PTPRC: variants seen among roughly 807,000 people sequenced by gnomAD.
PTPRC encodes protein tyrosine phosphatase receptor type C, also known as receptor-type tyrosine-protein phosphatase C.
A neutral mutation model predicts 155.9 loss-of-function variants in PTPRC; 44 were observed. That is an observed-to-expected ratio of 0.28 (90% CI 0.22 to 0.36). PTPRC has a LOEUF of 0.36. Ranked by LOEUF, PTPRC falls within the 10% of genes least tolerant of loss-of-function variation. PTPRC has a pLI of 1.00. For synonymous variants in PTPRC, 525 were observed against 533.1 expected (o/e 0.98, Z 0.21); for missense variants, 1,401 against 1,564.6 (o/e 0.90, Z 1.76).
At chr1:198,753,060 G>T (rs1195659038) in intron 31 of PTPRC, among the ~76,000 whole-genome samples, 2 of 152,076 alleles carry the variant, frequency 1.3e-5, no homozygotes, top group East Asian at 3.9e-4. Context: ...TCATTTGTGT[G>T]AATGAATTAA....
In PTPRC at chr1:198,735,230, T is replaced by C. The variant is rs1654577483; in HGVS notation, c.2381T>C (p.Ile794Thr). 6 of 1,601,850 alleles carry C rather than the reference T, an allele frequency of 3.7e-6. No homozygotes were observed. The highest frequency in any genetic ancestry group is 5.1e-6 in the Non-Finnish European group (6 of 1,172,944). Reference sequence around the variant, plus strand: ...CACAAAAGATGTCCAGATTACATCATTCAGAAATTGAACATTGTAAATGTG... The same window carrying C: ...CACAAAAGATGTCCAGATTACATCACTCAGAAATTGAACATTGTAAATGTG... ...NQHKRCPDYI[I>T]QKLNIVNKKE... The change falls in exon 23 of 33, where the codon ATT becomes ACT. Residue 794 changes from isoleucine to threonine, a missense_variant. By Grantham distance (89) the Ile-to-Thr change is moderately conservative (BLOSUM62 -1). Transcript: ENST00000442510.
intron 14 of PTPRC, among the ~76,000 whole-genome samples, chr1:198,719,998 C>T (rs911283935): frequency 5.9e-5 from 9 of 151,914 alleles, no homozygotes; most frequent in African/African-American, 1.9e-4. Context: ...TGGATTTTAT[C>T]GATTTTTAGG....
In PTPRC at chr1:198,702,424, T is replaced by C. The variant is rs2102401085; in HGVS notation, c.477T>C (p.Pro159=). ...AGAGGAGTACAGCCAGCACCTTTCC[T>C]ACAGACCCAGTTTCCCCATTGACAA... ...PGERSTASTF[P]TDPVSPLTTT... is the part of the protein sequence containing the mutation. Residue 159 remains proline, a synonymous_variant, in exon 6 of 33, where the codon CCT becomes CCC. Coordinates refer to ENST00000442510, the MANE Select transcript of PTPRC (RefSeq NM_002838.5). 2 of 1,614,178 alleles carry C rather than the reference T, an allele frequency of 1.2e-6. No homozygotes were observed. Among genetic ancestry groups the C allele is most frequent in the Non-Finnish European group, 1.7e-6 (2 of 1,180,028 alleles).
chr1:198,692,178 T>C (rs1665963262), intron 2 of PTPRC, among the ~76,000 whole-genome samples, 169 bp from the exon 3 acceptor site: 1 of 152,068 alleles, frequency 6.6e-6, no homozygotes, highest in African/African-American at 2.4e-5. Flanking sequence ...TTTGTAAACA[T>C]GGTACTAAGA....
At chr1:198,721,400 A>G (rs954028195) in intron 14 of PTPRC, among the ~76,000 whole-genome samples, 1 of 151,978 alleles carries the variant, frequency 6.6e-6, no homozygotes, top group African/African-American at 2.4e-5. Flanking sequence ...AAGGCTATGG[A>G]TTGTACTTTG....
At chr1:198,717,371 T>A (rs1232526310) in intron 13 of PTPRC, among the ~76,000 whole-genome samples, 2 of 152,214 alleles carry the variant, frequency 1.3e-5, no homozygotes, top group African/African-American at 4.8e-5. Flanking sequence ...TTGCCACTAG[T>A]ATAATCTCTC....
At chr1:198,722,522 T>A (rs1653942633) in intron 15 of PTPRC, 46 bp downstream of exon 15, 1 of 1,066,708 alleles carries the variant, frequency 9.4e-7, no homozygotes, top group East Asian at 3.3e-5. Context: ...AGATATATAT[T>A]AATGCTTATA....
At chr1:198,690,948 G>C (rs1057343707) in intron 2 of PTPRC, among the ~76,000 whole-genome samples, 2 of 152,040 alleles carry the variant, frequency 1.3e-5, no homozygotes, top group African/African-American at 4.8e-5. Flanking sequence ...GTTGACCCAT[G>C]TTAATGCACC....
intron 20 of PTPRC, 22 bp from the exon 21 acceptor site, chr1:198,734,174 T>G (rs1654519115): frequency 6.2e-7 from 1 of 1,605,904 alleles, no homozygotes; most frequent in African/African-American, 1.3e-5. Context: ...AAATGACATA[T>G]CTCTGCATGT....
At chr1:198,725,301 T>C (rs1558024446) in intron 15 of PTPRC, among the ~76,000 whole-genome samples, 1 of 152,176 alleles carries the variant, frequency 6.6e-6, no homozygotes, top group Non-Finnish European at 1.5e-5. Context: ...TTCTTATTGG[T>C]AGTCTAGTCA....
intron 3 of PTPRC, chr1:198,694,641 A>G: frequency 1.0e-6 from 1 of 984,710 alleles, no homozygotes; most frequent in Non-Finnish European, 1.2e-6. Context: ...TAAAAATAAC[A>G]AATTAATAAT....
intron 23 of PTPRC, among the ~76,000 whole-genome samples, chr1:198,739,447 T>C (rs906959046): frequency 6.6e-6 from 1 of 151,730 alleles, no homozygotes; most frequent in Non-Finnish European, 1.5e-5. Context: ...ATAACACAGG[T>C]ATATTTCAAC....
intron 2 of PTPRC, among the ~76,000 whole-genome samples, chr1:198,649,531 G>A (rs1444880082): frequency 6.6e-6 from 1 of 151,814 alleles, no homozygotes; most frequent in Admixed American, 6.6e-5. Context: ...TCAGACAATC[G>A]CTACTTTTAA....
chr1:198,751,075 T>G (rs1655357591), intron 29 of PTPRC, among the ~76,000 whole-genome samples: 1 of 151,978 alleles, frequency 6.6e-6, no homozygotes, highest in South Asian at 2.1e-4. Flanking sequence ...AAACACGCCA[T>G]TTGCATTGTC....
chr1:198,726,901 C>T (rs1373373280), intron 15 of PTPRC, among the ~76,000 whole-genome samples: 3 of 139,722 alleles, frequency 2.1e-5, no homozygotes, highest in South Asian at 2.2e-4. Context: ...CTTGCTCTGT[C>T]GTCCAGGTTG....
intron 2 of PTPRC, among the ~76,000 whole-genome samples, chr1:198,685,407 G>A (rs1665565979): frequency 6.6e-6 from 1 of 151,838 alleles, no homozygotes; most frequent in Non-Finnish European, 1.5e-5. Context: ...ATAAAGAGGT[G>A]TGCATAGTGT....
At chr1:198,697,423 G>A (rs1169305253) in intron 4 of PTPRC, among the ~76,000 whole-genome samples, 1 of 152,146 alleles carries the variant, frequency 6.6e-6, no homozygotes, top group Non-Finnish European at 1.5e-5. Context: ...TCTTTTAAGA[G>A]CATTTGCATC....
intron 3 of PTPRC, among the ~76,000 whole-genome samples, chr1:198,695,669 G>C (rs761780039): frequency 1.1e-4 from 16 of 151,970 alleles, no homozygotes; most frequent in Admixed American, 3.3e-4. Flanking sequence ...CTACTACTTT[G>C]TCACATATTT....
intron 23 of PTPRC, among the ~76,000 whole-genome samples, chr1:198,738,977 C>A (rs1216817495): frequency 6.6e-6 from 1 of 151,750 alleles, no homozygotes; most frequent in Non-Finnish European, 1.5e-5. Context: ...TTATATTACA[C>A]TTTGCTTGTT....
Sources: allele counts gnomAD v4.1 joint callset (sites outside exome capture counted in the v4.1 genomes callset), GRCh38; gene constraint gnomAD v4.1.1; transcripts MANE v1.5; gene names NCBI Gene and HGNC (gene_info 2026-07-23, HGNC 2026-07-21).